PCDH15: variants seen among roughly 807,000 people sequenced by gnomAD.
PCDH15 encodes the protein protocadherin-15.
In PCDH15, 129 loss-of-function variants were observed where a neutral mutation model predicts 178.5. That is an observed-to-expected ratio of 0.72 (90% CI 0.63 to 0.84). The LOEUF (loss-of-function observed/expected upper bound fraction) is 0.84. PCDH15 is among the 40% of genes least tolerant of loss of function. The pLI is 0.00. For synonymous variants in PCDH15, 800 were observed against 732.0 expected, an observed-to-expected ratio of 1.09 and a Z score of -1.50; for missense variants, 2,230 against 2,099.9, an observed-to-expected ratio of 1.06 and a Z score of -1.21.
At chr10:54,840,799 T>C (rs1192926485) in intron 3 of PCDH15, among the ~76,000 whole-genome samples, 2 of 151,836 alleles carry the variant, frequency 1.3e-5, no homozygotes, top group African/African-American at 4.8e-5. Flanking sequence ...TCAGACAAAA[T>C]AGACTTGTAG....
Position 54,375,801 on chromosome 10 carries a change from ATAATATATAAATAAAAATATATT to A in PCDH15, c.318+2958_318+2980del, listed in dbSNP as rs1169436719. ...TATATTTGAAATGGAATATATATATATAATATATAAATAAAAATATATTTTTGAAATGGAATATATATATATAA... is the reference window on the plus strand; with the variant it reads ...TATATTTGAAATGGAATATATATATATTTGAAATGGAATATATATATATAA... On this transcript the variant is annotated intron_variant, in intron 4 of 37. Coordinates refer to ENST00000644397, the MANE Select transcript of PCDH15 (RefSeq NM_001384140.1). Among the ~76,000 whole-genome samples, 687 of 118,072 alleles carry A rather than the reference ATAATATATAAATAAAAATATATT, an allele frequency of 5.8e-3. 14 individuals are homozygous for A. The highest frequency in any genetic ancestry group is 0.021 in the African/African-American group (655 of 31,170). 77.5% of individuals were successfully genotyped at this position (118,072 alleles called of 152,430 possible). A position where few individuals can be genotyped will look rare whatever the true frequency, so the allele number is the denominator to read the frequency against.
At chr10:54,911,581 C>T (rs1256954282) in intron 2 of PCDH15, among the ~76,000 whole-genome samples, 1 of 152,168 alleles carries the variant, frequency 6.6e-6, no homozygotes, top group East Asian at 1.9e-4. Context: ...TCAGATTTTG[C>T]TCTGTTAGGC....
At position 55,169,905 on chromosome 10, in the gene PCDH15, T is replaced by C. The variant is rs141638599; in HGVS notation, c.-155-3254A>G. On this transcript the variant is annotated intron_variant, in intron 1 of 5. Transcript: ENST00000458638. ...AAGAAGATTTACCTTTCTACATAAA[T>C]AATGTTATTAACCATTAGTAGACAT... 3.2e-3 allele frequency among the ~76,000 whole-genome samples: 487 copies of C among 152,204 alleles called. 1 individual carries two copies. The highest frequency in any genetic ancestry group is 0.02 in the South Asian group (97 of 4,824).
At chr10:54,975,461 T>C (rs969008197) in intron 2 of PCDH15, among the ~76,000 whole-genome samples, 2 of 152,158 alleles carry the variant, frequency 1.3e-5, no homozygotes, top group African/African-American at 2.4e-5. Flanking sequence ...TGCGGAACCG[T>C]AGATGTGTGA....
intron 7 of PCDH15, among the ~76,000 whole-genome samples, chr10:54,320,595 AAT>A (rs2061538673): frequency 6.6e-6 from 1 of 152,072 alleles, no homozygotes; most frequent in Non-Finnish European, 1.5e-5. Flanking sequence ...TTTAAAAAAA[AAT>A]AGCTCATCAA....
chr10:55,437,316 A>T (rs1306626363), intron 2 of PCDH15, among the ~76,000 whole-genome samples: 1 of 152,188 alleles, frequency 6.6e-6, no homozygotes, highest in Non-Finnish European at 1.5e-5. Context: ...TAAAGTGGAT[A>T]AGCTCTGAAA....
chr10:54,359,166 C>CA (rs1195665338), intron 5 of PCDH15, among the ~76,000 whole-genome samples: 4 of 151,224 alleles, frequency 2.6e-5, no homozygotes, highest in African/African-American at 9.7e-5. Context: ...ATAATAAAAA[C>CA]AAAAAACAAA....
chr10:54,493,266 T>G (rs2079776499), intron 3 of PCDH15, among the ~76,000 whole-genome samples: 1 of 151,958 alleles, frequency 6.6e-6, no homozygotes, highest in Non-Finnish European at 1.5e-5. Context: ...TGGGATATAT[T>G]GTCTGTGGAT....
intron 2 of PCDH15, chr10:55,575,833 G>A (rs1354083133): frequency 6.6e-6 from 1 of 152,086 alleles, no homozygotes; most frequent in East Asian, 1.9e-4. Context: ...ACTTCTTCAA[G>A]GTACTTAGAA....
chr10:53,935,108 G>T (rs1375317241), intron 25 of PCDH15, among the ~76,000 whole-genome samples: 1 of 151,948 alleles, frequency 6.6e-6, no homozygotes, highest in Non-Finnish European at 1.5e-5. Flanking sequence ...AATAAGACCA[G>T]TTTGTCATTA....
At chr10:54,602,978 G>A (rs953350773) in intron 2 of PCDH15, among the ~76,000 whole-genome samples, 4 of 151,952 alleles carry the variant, frequency 2.6e-5, no homozygotes, top group Non-Finnish European at 4.4e-5. Flanking sequence ...TACATGAAAT[G>A]AGTTTGTAAG....
chr10:54,727,224 C>G (rs751366481), intron 1 of PCDH15, among the ~76,000 whole-genome samples: 3 of 141,462 alleles, frequency 2.1e-5, no homozygotes, highest in Non-Finnish European at 4.7e-5. Flanking sequence ...TTAAAAAAAA[C>G]ACATGCACAC....
At chr10:54,779,462 G>GTATATATATATACACATATATATA (rs1171635780) in intron 1 of PCDH15, among the ~76,000 whole-genome samples, 2 of 38,596 alleles carry the variant, frequency 5.2e-5, no homozygotes, top group African/African-American at 1.3e-4. Context: ...TCATATATGT[G>GTATATATATATACACATATATATA]TGTATATATA....
intron 1 of PCDH15, among the ~76,000 whole-genome samples, chr10:55,198,053 TATAG>T (rs1424163142): frequency 6.6e-6 from 1 of 152,066 alleles, no homozygotes; most frequent in East Asian, 1.9e-4. Context: ...GATGGATAGA[TATAG>T]ATAGATAGTG....
At position 54,172,548 on chromosome 10, in the gene PCDH15, C is replaced by CT. The variant is rs1183627803; in HGVS notation, c.1590+10895dup. On this transcript the variant is annotated intron_variant, in intron 13 of 37. Coordinates refer to ENST00000644397, the MANE Select transcript of PCDH15 (RefSeq NM_001384140.1). Reference sequence around the variant, plus strand: ...GTGAAAGCTGAAAAGAAAATGAGCTCTTTTTTGGAAACAATAGGTGAATAA... The same window carrying CT: ...GTGAAAGCTGAAAAGAAAATGAGCTCTTTTTTTGGAAACAATAGGTGAATAA... Among the ~76,000 whole-genome samples the CT allele has an allele frequency of 3.9e-5, 6 of 152,070 alleles. No individual in the cohort carries two copies. The South Asian group carries it at 1.0e-3, about 26-fold the overall frequency.
At chr10:54,403,680 T>C (rs1176468679) in intron 3 of PCDH15, among the ~76,000 whole-genome samples, 1 of 151,972 alleles carries the variant, frequency 6.6e-6, no homozygotes, top group African/African-American at 2.4e-5. Context: ...CATGAACTTA[T>C]ATTCAGAAAC....
chr10:55,501,973 T>C (rs1401084097), intron 2 of PCDH15, among the ~76,000 whole-genome samples: 1 of 151,892 alleles, frequency 6.6e-6, no homozygotes, highest in African/African-American at 2.4e-5. Context: ...AAAAATGTTT[T>C]TTTTCTTATG....
intron 2 of PCDH15, among the ~76,000 whole-genome samples, chr10:55,552,898 T>C (rs541412867): frequency 1.6e-4 from 24 of 151,814 alleles, no homozygotes; most frequent in African/African-American, 5.8e-4. Flanking sequence ...TTAGAAATAA[T>C]TTAAACTTAA....
chr10:54,267,862 C>G (rs1192682462), intron 8 of PCDH15, among the ~76,000 whole-genome samples: 4 of 151,800 alleles, frequency 2.6e-5, no homozygotes, highest in African/African-American at 9.7e-5. Flanking sequence ...CCGAAGCAAT[C>G]TACAAATTCA....
Sources: gnomAD v4.1 joint callset for allele counts (sites outside exome capture counted in the v4.1 genomes callset) on GRCh38, gnomAD v4.1.1 for gene constraint, MANE v1.5 for transcripts, NCBI Gene and HGNC (gene_info 2026-07-23, HGNC 2026-07-21) for gene names.